The following PLD5 variants were observed in gnomAD, a reference collection of about 807,000 sequenced individuals.
PLD5 encodes the protein inactive phospholipase D5.
PLD5 carries 36 observed loss-of-function variants against 61.1 expected under a neutral mutation model. The observed-to-expected ratio is 0.59, with a 90% CI of 0.45 to 0.78. The LOEUF (loss-of-function observed/expected upper bound fraction) is 0.78, where lower values mean the gene tolerates loss of function less well. Among genes scored for constraint, PLD5 ranks in the 30% least tolerant of loss-of-function variants. The probability of loss-of-function intolerance (pLI) is 0.00; values close to 1 mark genes in which losing one functional copy is unlikely to be tolerated. For synonymous variants in PLD5, 243 were observed against 242.8 expected, an observed-to-expected ratio of 1.00 and a Z score of -0.01; for missense variants, 515 against 644.4, an observed-to-expected ratio of 0.80 and a Z score of 2.17.
At chr1:242,104,309 T>C (rs557378550) in intron 8 of PLD5, among the ~76,000 whole-genome samples, 218 of 151,846 alleles carry the variant, frequency 1.4e-3, no homozygotes, top group African/African-American at 5.0e-3. Flanking sequence ...TTTTTTTTTT[T>C]TTTTTGTAGA....
chr1:242,105,981 C>T (rs984985), intron 8 of PLD5, among the ~76,000 whole-genome samples: 72,664 of 152,032 alleles, frequency 0.48, 18,498 homozygotes, highest in East Asian at 0.78. Flanking sequence ...AAGAAACCAA[C>T]CAGCTCATGC....
intron 5 of PLD5, among the ~76,000 whole-genome samples, chr1:242,208,531 T>C (rs1445401555): frequency 2.0e-5 from 3 of 152,146 alleles, no homozygotes; most frequent in Non-Finnish European, 2.9e-5. Context: ...AACACACACC[T>C]TGGAAAATAC....
intron 5 of PLD5, among the ~76,000 whole-genome samples, chr1:242,216,573 T>C (rs1035834741): frequency 6.6e-6 from 1 of 152,222 alleles, no homozygotes; most frequent in Non-Finnish European, 1.5e-5. Context: ...TACCCTCTAG[T>C]GTTGTTTACT....
chr1:242,143,674 T>TTA (rs1664340506), intron 5 of PLD5, among the ~76,000 whole-genome samples: 1 of 152,014 alleles, frequency 6.6e-6, no homozygotes, highest in Non-Finnish European at 1.5e-5. Flanking sequence ...GACTAGTACA[T>TTA]TAAGGAGTGG....
intron 1 of PLD5, among the ~76,000 whole-genome samples, chr1:242,384,608 T>C (rs1156454420): frequency 6.6e-6 from 1 of 152,222 alleles, no homozygotes; most frequent in East Asian, 1.9e-4. Context: ...CACTTCAGCA[T>C]GGTCTCCAGG....
intron 1 of PLD5, among the ~76,000 whole-genome samples, chr1:242,359,059 C>T (rs1281842677): frequency 1.3e-5 from 2 of 152,274 alleles, no homozygotes; most frequent in East Asian, 3.9e-4. Flanking sequence ...CTTGACTTTG[C>T]AGGTGACCTA....
Position 242,297,905 on chromosome 1 carries a change from C to T in PLD5, c.327-9375G>A, listed in dbSNP as rs571913875. Among the ~76,000 whole-genome samples the T allele has an allele frequency of 5.3e-5, 8 of 152,188 alleles. No homozygotes were observed. The South Asian group carries it at 1.7e-3, about 32-fold the overall frequency. ...CCACCCGCCTCGGCCTCCCAAAGTG[C>T]TGGGATTACAGGCGTGAGCCACCGC... On this transcript the variant is annotated intron_variant, in intron 2 of 9. Coordinates refer to ENST00000536534, the MANE Select transcript of PLD5 (RefSeq NM_001372062.1).
intron 2 of PLD5, among the ~76,000 whole-genome samples, chr1:242,308,648 A>G (rs1676517164): frequency 6.6e-6 from 1 of 152,094 alleles, no homozygotes; most frequent in Non-Finnish European, 1.5e-5. Context: ...ATATGATTTC[A>G]GTTTAAAATA....
At chr1:242,145,518 CACA>C (rs1017795039) in intron 5 of PLD5, among the ~76,000 whole-genome samples, 1 of 152,020 alleles carries the variant, frequency 6.6e-6, no homozygotes, top group Admixed American at 6.5e-5. Flanking sequence ...TTTAAGAACC[CACA>C]ACAAGAGACA....
intron 5 of PLD5, among the ~76,000 whole-genome samples, chr1:242,136,258 A>G (rs536644677): frequency 6.6e-6 from 1 of 152,306 alleles, no homozygotes; most frequent in Admixed American, 6.5e-5. Context: ...GGCTGTTCCC[A>G]TGAATTTGAA....
chr1:242,225,970 G>A (rs1046501920), intron 4 of PLD5, among the ~76,000 whole-genome samples: 4 of 152,232 alleles, frequency 2.6e-5, no homozygotes, highest in Admixed American at 6.5e-5. Flanking sequence ...TACCCAAAGC[G>A]TCTGTACCAG....
chr1:242,484,613 T>C (rs1432864857), intron 1 of PLD5, among the ~76,000 whole-genome samples: 6 of 152,162 alleles, frequency 3.9e-5, no homozygotes, highest in African/African-American at 1.4e-4. Flanking sequence ...GATTCACAGC[T>C]GAATTCTACC....
intron 1 of PLD5, among the ~76,000 whole-genome samples, chr1:242,522,217 A>AT (rs1227188768): frequency 4.6e-5 from 7 of 152,340 alleles, no homozygotes; most frequent in African/African-American, 1.4e-4. Context: ...GAGGAGAATG[A>AT]TTTTTTTAAA....
chr1:242,506,557 TA>T (rs769844701), intron 1 of PLD5, among the ~76,000 whole-genome samples: 1 of 152,154 alleles, frequency 6.6e-6, no homozygotes, highest in Non-Finnish European at 1.5e-5. Flanking sequence ...AATCAGGATG[TA>T]ACCCAGGCAC....
chr1:242,259,334 AT>A (rs1488776354), intron 4 of PLD5, among the ~76,000 whole-genome samples: 10 of 145,398 alleles, frequency 6.9e-5, no homozygotes, highest in African/African-American at 1.7e-4. Context: ...CTCAAAAAAA[AT>A]AAATTAATTT....
intron 5 of PLD5, among the ~76,000 whole-genome samples, chr1:242,192,779 C>A (rs1030574257): frequency 6.6e-6 from 1 of 151,452 alleles, no homozygotes; most frequent in Non-Finnish European, 1.5e-5. Flanking sequence ...GCAGACCACA[C>A]AATTGCAAGG....
chr1:242,501,528 A>G (rs1572254625), intron 1 of PLD5, among the ~76,000 whole-genome samples: 1 of 152,194 alleles, frequency 6.6e-6, no homozygotes, highest in Non-Finnish European at 1.5e-5. Flanking sequence ...TTTCATTGAC[A>G]TGAGCACTGT....
chr1:242,159,115 G>T (rs770611365), intron 5 of PLD5, among the ~76,000 whole-genome samples: 1 of 151,962 alleles, frequency 6.6e-6, no homozygotes, highest in Non-Finnish European at 1.5e-5. Flanking sequence ...ATATTGATAC[G>T]CCCCATGACT....
At chr1:242,434,049 T>C (rs1387039682) in intron 1 of PLD5, among the ~76,000 whole-genome samples, 1 of 152,054 alleles carries the variant, frequency 6.6e-6, no homozygotes, top group Non-Finnish European at 1.5e-5. Context: ...AAGTCAAGAG[T>C]GGAGGAGGGA....
Sources: gnomAD v4.1 joint callset for allele counts (sites outside exome capture counted in the v4.1 genomes callset) on GRCh38, gnomAD v4.1.1 for gene constraint, MANE v1.5 for transcripts, NCBI Gene and HGNC (gene_info 2026-07-23, HGNC 2026-07-21) for gene names.